LRRC4C: variants seen among roughly 807,000 people sequenced by gnomAD.
The protein encoded by LRRC4C is leucine-rich repeat-containing protein 4C.
LRRC4C carries 5 observed loss-of-function variants against 33.6 expected under a neutral mutation model. That is an observed-to-expected ratio of 0.15 (90% CI 0.08 to 0.31). The LOEUF is 0.31. LRRC4C is among the 10% of genes least tolerant of loss of function. The pLI, the probability that LRRC4C is intolerant of heterozygous loss-of-function variation, is 1.00. For synonymous variants in LRRC4C, 329 were observed against 302.0 expected, an observed-to-expected ratio of 1.09 and a Z score of -0.93; for missense variants, 560 against 796.7, an observed-to-expected ratio of 0.70 and a Z score of 3.58.
At chr11:40,168,595 G>A (rs1019898450) in intron 5 of LRRC4C, among the ~76,000 whole-genome samples, 1 of 152,164 alleles carries the variant, frequency 6.6e-6, no homozygotes, top group Admixed American at 6.5e-5. Flanking sequence ...CTTTATCTCA[G>A]CCACATGGTC....
At chr11:40,135,611 A>T (rs952231694) in intron 6 of LRRC4C, among the ~76,000 whole-genome samples, 1 of 152,214 alleles carries the variant, frequency 6.6e-6, no homozygotes, top group Non-Finnish European at 1.5e-5. Context: ...TATTTAAACC[A>T]TTATTAACTA....
chr11:40,123,800 A>T (rs1199713198), intron 6 of LRRC4C, among the ~76,000 whole-genome samples: 1 of 152,166 alleles, frequency 6.6e-6, no homozygotes, highest in Non-Finnish European at 1.5e-5. Flanking sequence ...GAACAAAAAG[A>T]ACAAAACTGG....
At chr11:40,427,054 C>T (rs1170830365) in intron 3 of LRRC4C, among the ~76,000 whole-genome samples, 4 of 152,050 alleles carry the variant, frequency 2.6e-5, no homozygotes, top group Admixed American at 6.5e-5. Context: ...TAAGTAAAAA[C>T]ATGGCAGTAT....
chr11:41,162,620 G>A (rs1241255761), intron 1 of LRRC4C, among the ~76,000 whole-genome samples: 2 of 152,128 alleles, frequency 1.3e-5, no homozygotes, highest in Non-Finnish European at 2.9e-5. Context: ...TTGTAGGCAA[G>A]TAACACAATG....
At chr11:41,145,053 A>G (rs377649998) in intron 1 of LRRC4C, among the ~76,000 whole-genome samples, 113 of 152,284 alleles carry the variant, frequency 7.4e-4, no homozygotes, top group African/African-American at 2.6e-3. Context: ...ATAATGTTGT[A>G]TGAGACCTTA....
rs1167005976 is a variant in LRRC4C, at chr11:40,653,593, A to G, written c.-406-5315T>C. ...AAGCTATTCAGTTTTATGCATTCAC[A>G]AAGATATGGTTTGGAATTGAAACTT... is the stretch of plus-strand genomic sequence containing the variant. On this transcript the variant is annotated intron_variant, in intron 2 of 6. Coordinates refer to ENST00000528697, the MANE Select transcript of LRRC4C (RefSeq NM_001258419.2). 2.0e-5 allele frequency among the ~76,000 whole-genome samples: 3 copies of G among 152,226 alleles called. No homozygotes were observed. The East Asian group carries it at 5.8e-4, about 29-fold the overall frequency.
intron 3 of LRRC4C, among the ~76,000 whole-genome samples, chr11:40,594,955 G>T (rs1050583803): frequency 6.6e-6 from 1 of 151,916 alleles, no homozygotes; most frequent in African/African-American, 2.4e-5. Flanking sequence ...AACACAAAAA[G>T]ATTATAATAG....
chr11:41,193,806 CT>C (rs34857286), intron 1 of LRRC4C, among the ~76,000 whole-genome samples: 29 of 151,096 alleles, frequency 1.9e-4, no homozygotes, highest in South Asian at 4.2e-4. Flanking sequence ...CTGATTTTGC[CT>C]TTTTTTTTAA....
intron 5 of LRRC4C, among the ~76,000 whole-genome samples, chr11:40,179,205 A>T (rs936416103): frequency 6.6e-6 from 1 of 151,788 alleles, no homozygotes; most frequent in Non-Finnish European, 1.5e-5. Context: ...GGGTCTCTCT[A>T]TGGTGCCTAG....
At chr11:41,195,763 GT>G (rs1191989407) in intron 1 of LRRC4C, among the ~76,000 whole-genome samples, 8 of 152,070 alleles carry the variant, frequency 5.3e-5, no homozygotes, top group South Asian at 2.1e-4. Flanking sequence ...AAAGGAGCAA[GT>G]TTTTTTTAAT....
chr11:40,826,889 C>A (rs1591819064), intron 2 of LRRC4C, among the ~76,000 whole-genome samples: 1 of 151,990 alleles, frequency 6.6e-6, no homozygotes, highest in African/African-American at 2.4e-5. Flanking sequence ...CTTTGAAATT[C>A]TCTTTTACTA....
At chr11:40,499,493 C>A (rs539311205) in intron 3 of LRRC4C, among the ~76,000 whole-genome samples, 2 of 152,134 alleles carry the variant, frequency 1.3e-5, no homozygotes, top group Admixed American at 1.3e-4. Context: ...GTACATTCAA[C>A]CAGTAGGAAA....
At chr11:40,206,449 C>G (rs1156437454) in intron 5 of LRRC4C, among the ~76,000 whole-genome samples, 1 of 152,054 alleles carries the variant, frequency 6.6e-6, no homozygotes, top group Non-Finnish European at 1.5e-5. Context: ...ACCGTGATGG[C>G]CAGGCTGGTC....
intron 3 of LRRC4C, among the ~76,000 whole-genome samples, chr11:40,534,133 A>G (rs1195003986): frequency 6.6e-6 from 1 of 152,108 alleles, no homozygotes; most frequent in Non-Finnish European, 1.5e-5. Flanking sequence ...TATTTATTAC[A>G]TGAGGATTAT....
intron 1 of LRRC4C, among the ~76,000 whole-genome samples, chr11:41,008,482 C>A (rs1476675541): frequency 1.3e-5 from 2 of 152,120 alleles, no homozygotes; most frequent in African/African-American, 2.4e-5. Context: ...TCAGAATTTA[C>A]AGCCCATACT....
chr11:41,201,574 A>G (rs1305792509), intron 1 of LRRC4C, among the ~76,000 whole-genome samples: 1 of 152,144 alleles, frequency 6.6e-6, no homozygotes, highest in Non-Finnish European at 1.5e-5. Flanking sequence ...GTTTTTCCTG[A>G]TGTGTGAATT....
chr11:41,410,539 C>A (rs1954431679), intron 1 of LRRC4C, among the ~76,000 whole-genome samples: 1 of 151,686 alleles, frequency 6.6e-6, no homozygotes, highest in Non-Finnish European at 1.5e-5. Context: ...CTTCTGGGTT[C>A]ACGCCATTCT....
intron 3 of LRRC4C, among the ~76,000 whole-genome samples, chr11:40,385,943 A>G (rs1698814296): frequency 6.6e-6 from 1 of 151,022 alleles, no homozygotes; most frequent in South Asian, 2.1e-4. Context: ...ATCGAGTCCT[A>G]TGTTCACTAC....
At chr11:40,913,551 T>G (rs1956794449) in intron 2 of LRRC4C, among the ~76,000 whole-genome samples, 1 of 151,710 alleles carries the variant, frequency 6.6e-6, no homozygotes, top group Non-Finnish European at 1.5e-5. Context: ...CAAAGCAGTG[T>G]GTAGAGGGAA....
Sources: gnomAD v4.1 joint callset for allele counts (sites outside exome capture counted in the v4.1 genomes callset) on GRCh38, gnomAD v4.1.1 for gene constraint, MANE v1.5 for transcripts, NCBI Gene and HGNC (gene_info 2026-07-23, HGNC 2026-07-21) for gene names.